Variants in MAN2A1 observed in about 807,000 individuals in gnomAD.
MAN2A1 encodes mannosidase alpha class 2A member 1.
In MAN2A1, 76 loss-of-function variants were observed where a neutral mutation model predicts 142.6. The ratio of observed to expected loss-of-function variants is 0.53; its 90% CI spans 0.44 to 0.65. MAN2A1 has a LOEUF of 0.65. MAN2A1 is among the 30% of genes least tolerant of loss of function. The probability of loss-of-function intolerance (pLI) is 0.00; values close to 1 mark genes in which losing one functional copy is unlikely to be tolerated. For synonymous variants in MAN2A1, 559 were observed against 473.2 expected, an observed-to-expected ratio of 1.18 and a Z score of -2.35; for missense variants, 1,311 against 1,365.1, an observed-to-expected ratio of 0.96 and a Z score of 0.62.
intron 15 of MAN2A1, among the ~76,000 whole-genome samples, chr5:109,820,768 A>C (rs1754602247): frequency 6.6e-6 from 1 of 152,196 alleles, no homozygotes; most frequent in Non-Finnish European, 1.5e-5. Flanking sequence ...ACGCCACTGC[A>C]CTCCAGCCTG....
At chr5:109,749,439 A>T (rs1203349678) in intron 4 of MAN2A1, among the ~76,000 whole-genome samples, 1 of 152,178 alleles carries the variant, frequency 6.6e-6, no homozygotes, top group African/African-American at 2.4e-5. Flanking sequence ...AAATAGAAAC[A>T]TGGTGGTATT....
intron 3 of MAN2A1, among the ~76,000 whole-genome samples, chr5:109,717,236 AT>A (rs572691090): frequency 7.4e-4 from 113 of 151,880 alleles, no homozygotes; most frequent in Non-Finnish European, 1.5e-3. Flanking sequence ...TTCTACTTAC[AT>A]TTTTTCCCCA....
At chr5:109,839,024 T>G (rs912832417) in intron 16 of MAN2A1, among the ~76,000 whole-genome samples, 1 of 152,198 alleles carries the variant, frequency 6.6e-6, no homozygotes, top group African/African-American at 2.4e-5. Context: ...TTTCATTTCA[T>G]GTATTCTGTT....
intron 4 of MAN2A1, among the ~76,000 whole-genome samples, chr5:109,752,498 T>C (rs890144277): frequency 2.6e-5 from 4 of 152,222 alleles, no homozygotes; most frequent in African/African-American, 9.6e-5. Flanking sequence ...GGAGCTTACA[T>C]TCTAATGGTG....
chr5:109,800,654 C>T (rs1754000536), intron 12 of MAN2A1, among the ~76,000 whole-genome samples: 1 of 152,174 alleles, frequency 6.6e-6, no homozygotes, highest in Non-Finnish European at 1.5e-5. Context: ...CCTAAATTAG[C>T]ATTTCTTTTT....
chr5:109,807,254 C>T (rs1754190436), intron 12 of MAN2A1, among the ~76,000 whole-genome samples: 1 of 152,102 alleles, frequency 6.6e-6, no homozygotes, highest in African/African-American at 2.4e-5. Context: ...TTCCAGGACT[C>T]AGGATTTTCT....
At chr5:109,734,829 GA>G (rs1254533041) in intron 4 of MAN2A1, among the ~76,000 whole-genome samples, 1 of 152,118 alleles carries the variant, frequency 6.6e-6, no homozygotes, top group Non-Finnish European at 1.5e-5. Flanking sequence ...GTGCGGTGCT[GA>G]AAAAAATGTA....
intron 13 of MAN2A1, among the ~76,000 whole-genome samples, chr5:109,819,114 C>T (rs1754551264): frequency 6.6e-6 from 1 of 152,096 alleles, no homozygotes; most frequent in East Asian, 1.9e-4. Flanking sequence ...TTTTCGCTTT[C>T]AGTATAGTAT....
intron 12 of MAN2A1, among the ~76,000 whole-genome samples, chr5:109,807,215 T>G: frequency 6.6e-6 from 1 of 152,186 alleles, no homozygotes; most frequent in Admixed American, 6.5e-5. Flanking sequence ...TCTTCTTGCT[T>G]GTTACTCTTT....
intron 4 of MAN2A1, among the ~76,000 whole-genome samples, chr5:109,749,311 CTTG>C (rs1006617239): frequency 3.3e-5 from 5 of 152,066 alleles, no homozygotes; most frequent in South Asian, 2.1e-4. Context: ...TGATTTGCAG[CTTG>C]TTGTGCTTTG....
chr5:109,760,231 C>T lies in MAN2A1; in HGVS notation c.835+4775C>T, dbSNP rs185110584. Among the ~76,000 whole-genome samples, 11 of 152,170 alleles carry T rather than the reference C, an allele frequency of 7.2e-5. No homozygotes were observed. The East Asian group carries it at 9.7e-4, about 13-fold the overall frequency. The stretch of plus-strand genomic sequence containing the variant: ...ACTCCCACTTATGAGTGAGAACATG[C>T]GGTGTTTGGTTTTCTGTTCCTGTGT... On this transcript the variant is annotated intron_variant, in intron 5 of 21. Transcript: ENST00000261483.
chr5:109,704,220 C>CT (rs1751065290), intron 1 of MAN2A1, among the ~76,000 whole-genome samples: 1 of 152,216 alleles, frequency 6.6e-6, no homozygotes, highest in Non-Finnish European at 1.5e-5. Flanking sequence ...ATTTGGCACT[C>CT]TTACCTGCAT....
chr5:109,705,126 C>G (rs531994660), intron 1 of MAN2A1, among the ~76,000 whole-genome samples: 1 of 152,180 alleles, frequency 6.6e-6, no homozygotes, highest in South Asian at 2.1e-4. Context: ...AAACTCAATG[C>G]CAATTTTTTT....
At chr5:109,775,059 A>T (rs1475000989) in intron 8 of MAN2A1, 94 bp downstream of exon 8, 13 of 774,086 alleles carry the variant, frequency 1.7e-5, no homozygotes, top group Non-Finnish European at 2.5e-5. Context: ...TTTGTCCTAC[A>T]TCACAGTGCT....
intron 12 of MAN2A1, among the ~76,000 whole-genome samples, chr5:109,798,848 A>G (rs1011246013): frequency 6.6e-6 from 1 of 151,582 alleles, no homozygotes; most frequent in African/African-American, 2.4e-5. Flanking sequence ...CACTGGGCCA[A>G]TTTTTTTTGT....
At chr5:109,807,077 C>G (rs1754184379) in intron 12 of MAN2A1, among the ~76,000 whole-genome samples, 1 of 152,076 alleles carries the variant, frequency 6.6e-6, no homozygotes, top group Admixed American at 6.5e-5. Flanking sequence ...ATATTTGTTA[C>G]TTAACCAGCT....
At chr5:109,751,175 G>A (rs1205143030) in intron 4 of MAN2A1, among the ~76,000 whole-genome samples, 1 of 150,642 alleles carries the variant, frequency 6.6e-6, no homozygotes, top group Non-Finnish European at 1.5e-5. Context: ...TCTGGTGTCT[G>A]TCCTTCTACT....
intron 12 of MAN2A1, among the ~76,000 whole-genome samples, chr5:109,794,839 G>T (rs564751232): frequency 6.6e-6 from 1 of 151,948 alleles, no homozygotes; most frequent in African/African-American, 2.4e-5. Flanking sequence ...AAAGGTATTT[G>T]TATGTTTTCA....
At chr5:109,712,192 G>C (rs542125941) in intron 1 of MAN2A1, among the ~76,000 whole-genome samples, 1 of 151,600 alleles carries the variant, frequency 6.6e-6, no homozygotes, top group Non-Finnish European at 1.5e-5. Flanking sequence ...TTTCTTGGTA[G>C]ATCTCAGTCT....
Sources: gnomAD v4.1 joint callset for allele counts (sites outside exome capture counted in the v4.1 genomes callset) on GRCh38, gnomAD v4.1.1 for gene constraint, MANE v1.5 for transcripts, NCBI Gene and HGNC (gene_info 2026-07-23, HGNC 2026-07-21) for gene names.